Variants in THAP12 observed in about 807,000 individuals in gnomAD.
The protein encoded by THAP12 is THAP domain containing 12.
In THAP12, 20 loss-of-function variants were observed where a neutral mutation model predicts 63.0. The ratio of observed to expected loss-of-function variants is 0.32; its 90% CI spans 0.22 to 0.46. The LOEUF (loss-of-function observed/expected upper bound fraction) is 0.46, where lower values mean the gene tolerates loss of function less well. Ranked by LOEUF, THAP12 falls within the 20% of genes least tolerant of loss-of-function variation. The pLI is 1.00. For missense variants in THAP12, 568 were observed against 908.2 expected, an observed-to-expected ratio of 0.63 and a Z score of 4.81; for synonymous variants, 264 against 328.4, an observed-to-expected ratio of 0.80 and a Z score of 2.12.
intron 2 of THAP12, among the ~76,000 whole-genome samples, chr11:76,363,026 C>G (rs1350927316): frequency 6.6e-6 from 1 of 152,140 alleles, no homozygotes; most frequent in Non-Finnish European, 1.5e-5. Flanking sequence ...GCCTGTAGTT[C>G]CAGCTACTTG....
In THAP12 at chr11:76,380,803, G is replaced by A. The variant is rs200581079; in HGVS notation, c.34C>T (p.Arg12Trp). The A allele has an allele frequency of 1.4e-6, 2 of 1,461,084 alleles. No individual in the cohort carries two copies. The highest frequency in any genetic ancestry group is 1.8e-6 in the Non-Finnish European group (2 of 1,100,532). 90.5% of individuals were successfully genotyped at this position (1,461,084 alleles called of 1,614,324 possible). Residue 12 changes from arginine to tryptophan, a missense_variant, in exon 1 of 5, where the codon CGG becomes TGG. Arg to Trp is a moderately radical substitution (Grantham distance 101). Transcript: ENST00000260045. Reference sequence around the variant, plus strand: ...GCCAAGTCGGACTGCGTGCTCTTCCGCGTGCAGTTGGGGGCAGCGCAGAAG... The same window carrying A: ...GCCAAGTCGGACTGCGTGCTCTTCCACGTGCAGTTGGGGGCAGCGCAGAAG... The part of the protein sequence containing the change: ...PNFCAAPNCT[R>W]KSTQSDLAFF...
chr11:76,380,629 G>T, intron 1 of THAP12, 119 bp downstream of exon 1: 1 of 750,204 alleles, frequency 1.3e-6, no homozygotes, highest in Non-Finnish European at 1.8e-6. Flanking sequence ...CGACGGCAGT[G>T]CGCTGCGCCC....
chr11:76,373,559 ATTTTTT>A (rs1370407583), intron 1 of THAP12, among the ~76,000 whole-genome samples: 1 of 151,700 alleles, frequency 6.6e-6, no homozygotes, highest in African/African-American at 2.4e-5. Context: ...TCTAAAAAAA[ATTTTTT>A]TCAAAAATTA....
chr11:76,358,819 A>G (rs1946578630), intron 3 of THAP12: 1 of 152,018 alleles, frequency 6.6e-6, no homozygotes, highest in South Asian at 2.1e-4. Context: ...AAAAAAAACA[A>G]CAAAACTCTG....
chr11:76,360,884 C>A, intron 3 of THAP12, 72 bp downstream of exon 3: 1 of 1,017,910 alleles, frequency 9.8e-7, no homozygotes, highest in Non-Finnish European at 1.5e-6. Flanking sequence ...TTAATTTTAA[C>A]ATAAATGCAT....
chr11:76,363,589 T>TTTTG (rs59063258), intron 2 of THAP12, among the ~76,000 whole-genome samples: 91,874 of 151,576 alleles, frequency 0.61, 28,473 homozygotes, highest in African/African-American at 0.73. Flanking sequence ...ATCCAGGGGT[T>TTTTG]TTTGTTTGTT....
intron 4 of THAP12, among the ~76,000 whole-genome samples, chr11:76,354,927 A>AT (rs1565231356): frequency 6.6e-6 from 1 of 152,128 alleles, no homozygotes; most frequent in Non-Finnish European, 1.5e-5. Context: ...GCCCAAGTCC[A>AT]TATCTCCTCA....
At position 76,351,849 on chromosome 11, in the gene THAP12, A is replaced by G; in HGVS notation, c.1301T>C (p.Phe434Ser). 6.2e-7 allele frequency: 1 copy of G among 1,600,650 alleles called. No individual in the cohort carries two copies. Among genetic ancestry groups the G allele is most frequent in the African/African-American group, 1.3e-5 (1 of 74,424 alleles). The change falls in exon 5 of 5, where the codon TTT becomes TCT. Residue 434 changes from phenylalanine to serine, a missense_variant. Coordinates refer to ENST00000260045, the MANE Select transcript of THAP12 (RefSeq NM_004705.4). ...HSQWTGRHDA[F>S]EILVELLQAL... ...TTGCAGGAGTTCCACTAAAATTTCA[A>G]AAGCATCATGCCTGCCTGTCCACTG...
Position 76,380,620 on chromosome 11 carries a change from G to A in THAP12, c.89+128C>T, listed in dbSNP as rs913121228. 4.5e-6 allele frequency: 3 copies of A among 667,754 alleles called. No homozygotes were observed. The African/African-American group carries it at 5.8e-5, about 13-fold the overall frequency. 41.4% of individuals were successfully genotyped at this position (667,754 alleles called of 1,614,324 possible). A position where few individuals can be genotyped will look rare whatever the true frequency, so the allele number is the denominator to read the frequency against. On this transcript the variant is annotated intron_variant, in intron 1 of 4. Coordinates refer to ENST00000260045, the MANE Select transcript of THAP12 (RefSeq NM_004705.4). ...CCCATCTCGGTCCAACGCTGGGGTC[G>A]ACGGCAGTGCGCTGCGCCCGCCTCC...
chr11:76,371,805 CTTT>C (rs1946676320), intron 1 of THAP12, among the ~76,000 whole-genome samples: 2 of 130,898 alleles, frequency 1.5e-5, no homozygotes, highest in African/African-American at 5.9e-5. Flanking sequence ...TCATTTTTAA[CTTT>C]TCTTTTTTTT....
Position 76,380,969 on chromosome 11 carries a change from G to A in THAP12, c.-133C>T. 1 of 407,722 alleles carries A rather than the reference G, an allele frequency of 2.5e-6. No homozygotes were observed. Among genetic ancestry groups the A allele is most frequent in the Non-Finnish European group, 3.8e-6 (1 of 263,836 alleles). The allele number at this position is 407,722 out of a possible 1,614,324, so 25.3% of individuals were successfully genotyped here. A position where few individuals can be genotyped will look rare whatever the true frequency, so the allele number is the denominator to read the frequency against. On this transcript the variant is annotated 5_prime_UTR_variant, in exon 1 of 5. Coordinates refer to ENST00000260045, the MANE Select transcript of THAP12 (RefSeq NM_004705.4). The stretch of plus-strand genomic sequence containing the variant: ...CAGGGCCGACGCGCGGGGGAGGGGC[G>A]GGCGGGCTAGAAGCCGCGAGGGCCA...
chr11:76,355,712 G>A, intron 3 of THAP12, 58 bp from the exon 4 acceptor site: 2 of 1,405,706 alleles, frequency 1.4e-6, no homozygotes. Flanking sequence ...CTGACCTCTA[G>A]TGTATCATCT....
chr11:76,379,471 T>C (rs977761037), intron 1 of THAP12, among the ~76,000 whole-genome samples: 4 of 152,162 alleles, frequency 2.6e-5, no homozygotes, highest in Admixed American at 1.3e-4. Flanking sequence ...TACACACACC[T>C]TTCTGGTCTC....
chr11:76,371,699 CCTACT>C (rs1465237903), intron 1 of THAP12, among the ~76,000 whole-genome samples: 1 of 152,154 alleles, frequency 6.6e-6, no homozygotes, highest in African/African-American at 2.4e-5. Context: ...CAAGGAGGCT[CCTACT>C]CTATCCCTTT....
At chr11:76,374,938 T>C (rs2134516515) in intron 1 of THAP12, among the ~76,000 whole-genome samples, 1 of 152,280 alleles carries the variant, frequency 6.6e-6, no homozygotes, top group South Asian at 2.1e-4. Flanking sequence ...GAAGGCACCA[T>C]CTAAGAAGCC....
chr11:76,372,419 AGAG>A (rs1305665006), intron 1 of THAP12, among the ~76,000 whole-genome samples: 6 of 87,404 alleles, frequency 6.9e-5, no homozygotes, highest in African/African-American at 1.7e-4. Flanking sequence ...AAAAAAAAAA[AGAG>A]AGAGAGAGAC....
chr11:76,380,967 G>A lies in THAP12; in HGVS notation c.-131C>T. Reference sequence around the variant, plus strand: ...GGCAGGGCCGACGCGCGGGGGAGGGGCGGGCGGGCTAGAAGCCGCGAGGGC... The same window carrying A: ...GGCAGGGCCGACGCGCGGGGGAGGGACGGGCGGGCTAGAAGCCGCGAGGGC... On this transcript the variant is annotated 5_prime_UTR_variant, in exon 1 of 5. Transcript: ENST00000260045. 2.4e-6 allele frequency: 1 copy of A among 423,906 alleles called. No homozygotes were observed. Among genetic ancestry groups the A allele is most frequent in the Non-Finnish European group, 3.6e-6 (1 of 277,044 alleles). 26.3% of individuals were successfully genotyped at this position (423,906 alleles called of 1,614,324 possible). A position where few individuals can be genotyped will look rare whatever the true frequency, so the allele number is the denominator to read the frequency against.
chr11:76,377,552 T>C (rs1448626905), intron 1 of THAP12, among the ~76,000 whole-genome samples: 1 of 152,252 alleles, frequency 6.6e-6, no homozygotes, highest in Non-Finnish European at 1.5e-5. Context: ...GTTTCTGAGG[T>C]TCACCCATAC....
intron 1 of THAP12, among the ~76,000 whole-genome samples, chr11:76,377,839 T>C (rs1185956931): frequency 2.0e-5 from 3 of 152,242 alleles, no homozygotes; most frequent in African/African-American, 7.2e-5. Flanking sequence ...TAATAACGAG[T>C]GATGCTCAGC....
Sources: allele counts gnomAD v4.1 joint callset (sites outside exome capture counted in the v4.1 genomes callset), GRCh38; gene constraint gnomAD v4.1.1; transcripts MANE v1.5; gene names NCBI Gene and HGNC (gene_info 2026-07-23, HGNC 2026-07-21).